The following MTA3 variants were observed in gnomAD, a reference collection of about 807,000 sequenced individuals.
MTA3 encodes metastasis-associated protein MTA3.
A neutral mutation model predicts 83.5 loss-of-function variants in MTA3; 34 were observed. The ratio of observed to expected loss-of-function variants is 0.41; its 90% CI spans 0.31 to 0.54. The LOEUF (loss-of-function observed/expected upper bound fraction) is 0.54. Ranked by LOEUF, MTA3 falls within the 20% of genes least tolerant of loss-of-function variation. The probability of loss-of-function intolerance (pLI) is 0.33; values close to 1 mark genes in which losing one functional copy is unlikely to be tolerated. For missense variants in MTA3, 761 were observed against 726.4 expected (o/e 1.05, Z -0.55); for synonymous variants, 303 against 252.7 (o/e 1.20, Z -1.89).
Position 42,717,643 on chromosome 2 carries a change from A to G in MTA3, c.1526-1345A>G, listed in dbSNP as rs1390722816. 3.9e-5 allele frequency among the ~76,000 whole-genome samples: 6 copies of G among 152,192 alleles called. No individual in the cohort carries two copies. The East Asian group carries it at 1.2e-3, about 29-fold the overall frequency. On this transcript the variant is annotated intron_variant, in intron 14 of 16. Coordinates refer to ENST00000405094, the MANE Select transcript of MTA3 (RefSeq NM_001330442.2). ...CTTACTGTTCTGACTGTTGGATGAAATACTCTGTTTGCACACAGGTAGCCT... is the reference window on the plus strand; with the variant it reads ...CTTACTGTTCTGACTGTTGGATGAAGTACTCTGTTTGCACACAGGTAGCCT...
chr2:42,750,139 C>A (rs1016751620), intron 16 of MTA3, among the ~76,000 whole-genome samples: 5 of 151,924 alleles, frequency 3.3e-5, no homozygotes, highest in Admixed American at 6.6e-5. Flanking sequence ...TACAGGTGCG[C>A]CCCATAACAC....
rs141146092 is a variant in MTA3, at chr2:42,656,448, A to G, written c.602+146A>G. 811 of 423,002 alleles carry G rather than the reference A, an allele frequency of 1.9e-3. 7 individuals are homozygous for G. The highest frequency in any genetic ancestry group is 0.015 in the African/African-American group (740 of 48,926). 26.2% of individuals were successfully genotyped at this position (423,002 alleles called of 1,614,324 possible). ...GTTAGGTAAGAAAGCTTAATACGTT[A>G]TGCTGCTTCCTAATTTTATTAATTT... On this transcript the variant is annotated intron_variant, in intron 7 of 16. Transcript: ENST00000405094.
At chr2:42,593,860 C>G (rs1681338997) in intron 3 of MTA3, among the ~76,000 whole-genome samples, 1 of 151,826 alleles carries the variant, frequency 6.6e-6, no homozygotes, top group Non-Finnish European at 1.5e-5. Context: ...CAGATATTAC[C>G]AAATTAATTG....
chr2:42,704,340 A>T, intron 12 of MTA3, 22 bp downstream of exon 12: 1 of 1,612,986 alleles, frequency 6.2e-7, no homozygotes, highest in Non-Finnish European at 8.5e-7. Context: ...CTAGCAGGTC[A>T]GTTAAGCATC....
At chr2:42,696,979 A>T (rs1204320244) in intron 10 of MTA3, among the ~76,000 whole-genome samples, 3 of 152,226 alleles carry the variant, frequency 2.0e-5, no homozygotes, top group Non-Finnish European at 4.4e-5. Context: ...AAAAGTAGAT[A>T]ATATTCTTTC....
intron 8 of MTA3, among the ~76,000 whole-genome samples, chr2:42,675,419 G>T (rs907491686): frequency 3.9e-5 from 6 of 152,256 alleles, no homozygotes; most frequent in Non-Finnish European, 8.8e-5. Flanking sequence ...ACAGGTGTGA[G>T]CCACCGCACC....
intron 4 of MTA3, among the ~76,000 whole-genome samples, chr2:42,620,802 C>T (rs573890122): frequency 1.4e-4 from 22 of 151,910 alleles, no homozygotes; most frequent in Non-Finnish European, 2.9e-4. Context: ...CTGGTTAACT[C>T]GAGAAAACAT....
rs925348256 is a variant in MTA3 at position 42,505,631 on chromosome 2, A to C, written c.-141+10377A>C. Among the ~76,000 whole-genome samples the C allele has an allele frequency of 7.2e-5, 11 of 152,066 alleles. 1 individual carries two copies. Among genetic ancestry groups the C allele is most frequent in the African/African-American group, 2.7e-4 (11 of 41,408 alleles). Reference sequence around the variant, plus strand: ...TAGAATGCGGATCATTATACAAGATAGTCTTCCAAAAGCCACTTTCATATC... The same window carrying C: ...TAGAATGCGGATCATTATACAAGATCGTCTTCCAAAAGCCACTTTCATATC... On this transcript the variant is annotated intron_variant, in intron 2 of 17. Coordinates refer to the MTA3 transcript ENST00000405592.
rs1194801714 is a variant in MTA3 at position 42,622,286 on chromosome 2, A to G, written c.317+12702A>G. Among the ~76,000 whole-genome samples the G allele has an allele frequency of 3.9e-5, 6 of 152,094 alleles. No individual in the cohort carries two copies. The South Asian group carries it at 1.2e-3, about 32-fold the overall frequency. ...TCAGGCTTGGCGGCGCGCGCCTGCA[A>G]TCGCAGGCACTCAGCAGGCTGAGGC... is the stretch of plus-strand genomic sequence containing the variant. On this transcript the variant is annotated intron_variant, in intron 4 of 16. Coordinates refer to ENST00000405094, the MANE Select transcript of MTA3 (RefSeq NM_001330442.2).
intron 2 of MTA3, among the ~76,000 whole-genome samples, chr2:42,517,631 C>T (rs994563420): frequency 3.3e-5 from 5 of 149,660 alleles, no homozygotes; most frequent in African/African-American, 4.9e-5. Context: ...AATATCCTAA[C>T]GCTTTGGGAG....
At chr2:42,748,566 A>T (rs1047931498) in intron 16 of MTA3, among the ~76,000 whole-genome samples, 3 of 152,312 alleles carry the variant, frequency 2.0e-5, no homozygotes, top group African/African-American at 7.2e-5. Context: ...TACTTCTAAA[A>T]TTGCCCACCT....
intron 8 of MTA3, among the ~76,000 whole-genome samples, chr2:42,674,358 G>T (rs1322751846): frequency 6.6e-6 from 1 of 152,176 alleles, no homozygotes; most frequent in Non-Finnish European, 1.5e-5. Context: ...AGATTTACTT[G>T]TCAGTCTTTC....
Position 42,695,791 on chromosome 2 carries a change from C to G in MTA3, c.918C>G (p.Ile306Met). The G allele has an allele frequency of 6.4e-7, 1 of 1,570,786 alleles. No homozygotes were observed. The highest frequency in any genetic ancestry group is 8.6e-7 in the Non-Finnish European group (1 of 1,159,234). ...DFLPWKSLTS[I>M]IEYYYMWKTT... ...TTCCTTGGAAATCATTGACTAGCAT[C>G]ATTGAATATTATTACATGTGGAAAA... The change falls in exon 10 of 17, where the codon ATC (isoleucine) becomes ATG (methionine). Residue 306 changes from isoleucine to methionine, a missense_variant. By Grantham distance (10) the Ile-to-Met change is conservative. Transcript: ENST00000405094.
chr2:42,598,815 C>T (rs1181738532), intron 3 of MTA3, among the ~76,000 whole-genome samples: 1 of 152,132 alleles, frequency 6.6e-6, no homozygotes, highest in Non-Finnish European at 1.5e-5. Context: ...ATAAGACATG[C>T]AGAAAACAGT....
intron 3 of MTA3, among the ~76,000 whole-genome samples, chr2:42,583,525 C>T (rs551933817): frequency 1.3e-5 from 2 of 152,090 alleles, no homozygotes; most frequent in Non-Finnish European, 2.9e-5. Context: ...AAAAACTCTT[C>T]TCATTATGGA....
intron 8 of MTA3, among the ~76,000 whole-genome samples, chr2:42,661,090 G>T (rs999460673): frequency 1.9e-4 from 29 of 152,164 alleles, no homozygotes; most frequent in Admixed American, 1.8e-3. Context: ...GTTCATAGAA[G>T]AAAGTTTTGT....
At chr2:42,538,773 TTTTG>T (rs1676382677) in intron 2 of MTA3, among the ~76,000 whole-genome samples, 1 of 105,588 alleles carries the variant, frequency 9.5e-6, no homozygotes. Flanking sequence ...TTTTGTTTTT[TTTTG>T]TTTTTTTTGA....
intron 4 of MTA3, among the ~76,000 whole-genome samples, chr2:42,616,572 C>CTTCTGTTTT (rs371119345): frequency 1.8e-5 from 1 of 56,212 alleles, no homozygotes; most frequent in African/African-American, 7.4e-5. Flanking sequence ...TCTTCTTCTT[C>CTTCTGTTTT]TTTTTTTTTT....
chr2:42,605,730 C>G (rs1683234663), intron 3 of MTA3, among the ~76,000 whole-genome samples: 1 of 130,998 alleles, frequency 7.6e-6, no homozygotes, highest in African/African-American at 2.9e-5. Flanking sequence ...CCCCCACCTC[C>G]CTCCTGGATG....
Sources: gnomAD v4.1 joint callset for allele counts (sites outside exome capture counted in the v4.1 genomes callset) on GRCh38, gnomAD v4.1.1 for gene constraint, MANE v1.5 for transcripts, NCBI Gene and HGNC (gene_info 2026-07-23, HGNC 2026-07-21) for gene names.